Variants in DLGAP1 observed in about 807,000 individuals in gnomAD.
The protein encoded by DLGAP1 is disks large-associated protein 1.
In DLGAP1, 11 loss-of-function variants were observed where a neutral mutation model predicts 90.8. That is an observed-to-expected ratio of 0.12 (90% CI 0.08 to 0.20). The LOEUF (loss-of-function observed/expected upper bound fraction) is 0.20. Among genes scored for constraint, DLGAP1 ranks in the 10% least tolerant of loss-of-function variants. The probability of loss-of-function intolerance (pLI) is 1.00; values close to 1 mark genes in which losing one functional copy is unlikely to be tolerated. For synonymous variants in DLGAP1, 558 were observed against 540.7 expected, an observed-to-expected ratio of 1.03 and a Z score of -0.44; for missense variants, 1,050 against 1,333.8, an observed-to-expected ratio of 0.79 and a Z score of 3.31.
At chr18:3,669,587 G>A (rs1187803963) in intron 7 of DLGAP1, among the ~76,000 whole-genome samples, 4 of 152,216 alleles carry the variant, frequency 2.6e-5, no homozygotes, top group Non-Finnish European at 4.4e-5. Context: ...ATGGATCGAT[G>A]CCATCGACCC....
intron 3 of DLGAP1, among the ~76,000 whole-genome samples, chr18:3,931,643 G>A (rs2072517377): frequency 6.6e-6 from 1 of 152,164 alleles, no homozygotes; most frequent in Admixed American, 6.5e-5. Flanking sequence ...TTTGGAGTAG[G>A]TCAAGTAGGT....
chr18:4,026,760 T>C (rs1456810801), intron 2 of DLGAP1, among the ~76,000 whole-genome samples: 1 of 152,206 alleles, frequency 6.6e-6, no homozygotes, highest in Non-Finnish European at 1.5e-5. Flanking sequence ...AAACTAGTTA[T>C]CATAAAAGAC....
chr18:3,917,482 C>A (rs77040798), intron 3 of DLGAP1, among the ~76,000 whole-genome samples: 3,880 of 152,240 alleles, frequency 0.025, 68 homozygotes, highest in African/African-American at 0.033. Context: ...GTTCTCATTT[C>A]TGGAGGAGTC....
At chr18:4,043,545 C>CTTAT (rs58833523) in intron 2 of DLGAP1, among the ~76,000 whole-genome samples, 3,038 of 151,860 alleles carry the variant, frequency 0.02, 102 homozygotes, top group African/African-American at 0.069. Flanking sequence ...TAACCTACAT[C>CTTAT]TTATTTATTT....
intron 5 of DLGAP1, among the ~76,000 whole-genome samples, chr18:3,752,753 C>T (rs1044284941): frequency 6.6e-6 from 1 of 151,554 alleles, no homozygotes; most frequent in Non-Finnish European, 1.5e-5. Flanking sequence ...AACAATCCTC[C>T]TGCCTCAGCT....
intron 1 of DLGAP1, among the ~76,000 whole-genome samples, chr18:4,325,747 A>G (rs1443163365): frequency 6.6e-6 from 1 of 152,202 alleles, no homozygotes; most frequent in Non-Finnish European, 1.5e-5. Flanking sequence ...CAAAGCTAAC[A>G]AAAACAAGCA....
chr18:3,773,149 C>T (rs1212926575), intron 5 of DLGAP1, among the ~76,000 whole-genome samples: 1 of 151,696 alleles, frequency 6.6e-6, no homozygotes, highest in South Asian at 2.1e-4. Context: ...TATTGATACA[C>T]AAGGAACTCG....
chr18:3,511,722 C>T (rs2050556327), intron 10 of DLGAP1, among the ~76,000 whole-genome samples: 2 of 152,168 alleles, frequency 1.3e-5, no homozygotes, highest in Admixed American at 1.3e-4. Flanking sequence ...TGAGCCACTG[C>T]ATCCTGCTGA....
chr18:3,531,005 G>C (rs1054203829), intron 10 of DLGAP1, among the ~76,000 whole-genome samples: 5 of 152,138 alleles, frequency 3.3e-5, no homozygotes, highest in African/African-American at 1.2e-4. Flanking sequence ...CCAGTCTGAT[G>C]ACAACTGTTA....
chr18:3,519,785 T>C (rs1404859312), intron 10 of DLGAP1, among the ~76,000 whole-genome samples: 1 of 152,198 alleles, frequency 6.6e-6, no homozygotes, highest in South Asian at 2.1e-4. Flanking sequence ...GGCCTCATCT[T>C]GGAAGCAGAG....
rs193267003 is a variant in DLGAP1 at position 3,868,851 on chromosome 18, T to C, written c.957+10261A>G. On this transcript the variant is annotated intron_variant, in intron 4 of 12. Transcript: ENST00000315677. ...TTGCTCTTTTCAATTTCTACAACAT[T>C]AGAAGAATGATATACCTGGCTTAGC... 7.8e-4 allele frequency among the ~76,000 whole-genome samples: 118 copies of C among 152,206 alleles called. 1 individual carries two copies. The highest frequency in any genetic ancestry group is 7.5e-3 in the Admixed American group (115 of 15,298).
At chr18:4,160,226 T>C (rs2076822229) in intron 1 of DLGAP1, among the ~76,000 whole-genome samples, 1 of 152,228 alleles carries the variant, frequency 6.6e-6, no homozygotes, top group African/African-American at 2.4e-5. Flanking sequence ...TTGATATTTG[T>C]TGTCAATCAC....
chr18:4,124,836 G>T (rs2076207983), intron 2 of DLGAP1, among the ~76,000 whole-genome samples: 1 of 152,168 alleles, frequency 6.6e-6, no homozygotes, highest in South Asian at 2.1e-4. Context: ...AACAGAGAAA[G>T]GCCATGCATA....
At chr18:3,533,121 G>A (rs990307420) in intron 10 of DLGAP1, among the ~76,000 whole-genome samples, 3 of 152,032 alleles carry the variant, frequency 2.0e-5, no homozygotes, top group Non-Finnish European at 2.9e-5. Context: ...GCGAAACCCC[G>A]TCTCTACCAA....
intron 7 of DLGAP1, among the ~76,000 whole-genome samples, chr18:3,705,206 G>A (rs774899578): frequency 3.3e-5 from 5 of 151,980 alleles, no homozygotes; most frequent in Non-Finnish European, 7.4e-5. Flanking sequence ...TGACTTCAGC[G>A]AACCATCTGC....
At chr18:4,348,869 T>C (rs998645269) in intron 1 of DLGAP1, among the ~76,000 whole-genome samples, 1 of 152,066 alleles carries the variant, frequency 6.6e-6, no homozygotes, top group Non-Finnish European at 1.5e-5. Context: ...ATTGAATTAA[T>C]AGGTAAGGAC....
intron 10 of DLGAP1, among the ~76,000 whole-genome samples, chr18:3,533,954 C>A (rs182836260): frequency 5.3e-5 from 8 of 152,196 alleles, no homozygotes; most frequent in East Asian, 1.9e-4. Flanking sequence ...AGAAAAAGAA[C>A]GTCATGGGCC....
In DLGAP1 at chr18:3,977,434, G is replaced by GGTTTTTTTTTTTT. The variant is rs767760816; in HGVS notation, c.-73+27681_-73+27682insAAAAAAAAAAAAC. Among the ~76,000 whole-genome samples, 114 of 95,328 alleles carry GGTTTTTTTTTTTT rather than the reference G, an allele frequency of 1.2e-3. 1 individual carries two copies. Among genetic ancestry groups the GGTTTTTTTTTTTT allele is most frequent in the African/African-American group, 3.7e-3 (88 of 23,964 alleles). 62.5% of individuals were successfully genotyped at this position (95,328 alleles called of 152,430 possible). On this transcript the variant is annotated intron_variant, in intron 3 of 12. Transcript: ENST00000315677. ...AGTTAATGAATTATGTTTATTCTGTGTTTTTTTTTTTTTTTTTTTTGCTGA... is the reference window on the plus strand; with the variant it reads ...AGTTAATGAATTATGTTTATTCTGTGGTTTTTTTTTTTTTTTTTTTTTTTTTTTTTTTTGCTGA...
Position 3,583,167 on chromosome 18 carries a change from TA to T in DLGAP1, c.1592-920del, listed in dbSNP as rs1568240556. Among the ~76,000 whole-genome samples, 105 of 111,074 alleles carry T rather than the reference TA, an allele frequency of 9.5e-4. 1 individual carries two copies. The highest frequency in any genetic ancestry group is 8.4e-3 in the East Asian group (23 of 2,746). The allele number at this position is 111,074 out of a possible 152,430, so 72.9% of individuals were successfully genotyped here. On this transcript the variant is annotated intron_variant, in intron 7 of 12. Transcript: ENST00000315677. ...CGACCTACCTACCTACCTACCTACC[TA>T]CCTACCTACCTACCTACCTTCCTTC...
Sources: allele counts gnomAD v4.1 joint callset (sites outside exome capture counted in the v4.1 genomes callset), GRCh38; gene constraint gnomAD v4.1.1; transcripts MANE v1.5; gene names NCBI Gene and HGNC (gene_info 2026-07-23, HGNC 2026-07-21).